Variants in KRABD5 observed in about 807,000 individuals in gnomAD.
KRABD5 encodes KRAB domain-containing protein 5.
At chr16:31,756,702 A>G in the KRABD5 span, 2 of 152,284 alleles carry the variant, frequency 1.3e-5, no homozygotes, top group Non-Finnish European at 2.9e-5. Flanking sequence ...ATCCTGAATC[A>G]TTGTTTATAA....
At chr16:31,752,590 C>T in the KRABD5 span, among the ~76,000 whole-genome samples, 1 of 152,018 alleles carries the variant, frequency 6.6e-6, no homozygotes, top group Non-Finnish European at 1.5e-5. Context: ...TCACAAAATG[C>T]CAGGTTCAGT....
At chr16:31,728,506 T>C in the KRABD5 span, among the ~76,000 whole-genome samples, 1 of 152,136 alleles carries the variant, frequency 6.6e-6, no homozygotes, top group Non-Finnish European at 1.5e-5. Context: ...TTCATTTGTC[T>C]CAGGATATGT....
the KRABD5 span, chr16:31,713,624 C>A: frequency 3.9e-6 from 3 of 778,240 alleles, no homozygotes; most frequent in Non-Finnish European, 6.0e-6. Flanking sequence ...GGTCCCCTCC[C>A]GACCCCGCAG....
the KRABD5 span, among the ~76,000 whole-genome samples, chr16:31,745,209 G>A: frequency 1.3e-5 from 2 of 152,088 alleles, no homozygotes; most frequent in African/African-American, 4.8e-5. Context: ...TAATTGTAAT[G>A]TTAGGGTGTT....
the KRABD5 span, chr16:31,722,852 A>G: frequency 1.5e-6 from 2 of 1,308,676 alleles, no homozygotes; most frequent in Non-Finnish European, 2.0e-6. Flanking sequence ...CTTTATATGA[A>G]TGAATTCAGA....
At chr16:31,740,761 T>C in the KRABD5 span, among the ~76,000 whole-genome samples, 4 of 152,186 alleles carry the variant, frequency 2.6e-5, no homozygotes, top group Non-Finnish European at 5.9e-5. Flanking sequence ...ATTGTACCAG[T>C]GTACTCCAGT....
At chr16:31,755,766 A>C in the KRABD5 span, 1 of 356,656 alleles carries the variant, frequency 2.8e-6, no homozygotes, top group Non-Finnish European at 5.5e-6. Flanking sequence ...AGAACTTAAA[A>C]ATCACCATAG....
At chr16:31,745,511 G>T in the KRABD5 span, among the ~76,000 whole-genome samples, 8 of 152,016 alleles carry the variant, frequency 5.3e-5, no homozygotes, top group Non-Finnish European at 1.0e-4. Context: ...CAGTTATTTT[G>T]TATTTGCTGA....
At chr16:31,755,556 G>A in the KRABD5 span, 1 of 463,086 alleles carries the variant, frequency 2.2e-6, no homozygotes. Flanking sequence ...CCATATATAT[G>A]TAAGGATTGT....
chr16:31,717,071 A>ACTG, the KRABD5 span, among the ~76,000 whole-genome samples: 1 of 131,786 alleles, frequency 7.6e-6, no homozygotes, highest in Non-Finnish European at 1.5e-5. Flanking sequence ...TTCTTGGCTC[A>ACTG]CTGCAACCTC....
At chr16:31,726,309 C>T in the KRABD5 span, among the ~76,000 whole-genome samples, 2 of 152,052 alleles carry the variant, frequency 1.3e-5, no homozygotes, top group African/African-American at 4.8e-5. Flanking sequence ...TTTTGGTTTC[C>T]TTGTTCTGTC....
chr16:31,759,286 T>A, the KRABD5 span: 2 of 1,489,716 alleles, frequency 1.3e-6, no homozygotes, highest in South Asian at 1.2e-5. Flanking sequence ...TGGATAAAAT[T>A]CATAAACCTG....
At chr16:31,738,336 A>G in the KRABD5 span, among the ~76,000 whole-genome samples, 1 of 152,110 alleles carries the variant, frequency 6.6e-6, no homozygotes. Flanking sequence ...TTATTGCTTC[A>G]ATTCTGTAAA....
the KRABD5 span, among the ~76,000 whole-genome samples, chr16:31,723,786 G>A: frequency 6.6e-6 from 1 of 152,130 alleles, no homozygotes; most frequent in Admixed American, 6.5e-5. Flanking sequence ...GGAATTCTGT[G>A]GATAGATGTC....
At chr16:31,724,522 C>T in the KRABD5 span, among the ~76,000 whole-genome samples, 1 of 150,724 alleles carries the variant, frequency 6.6e-6, no homozygotes, top group Non-Finnish European at 1.5e-5. Context: ...CCCGTCTCTA[C>T]TAAAAAATAC....
the KRABD5 span, among the ~76,000 whole-genome samples, chr16:31,746,588 G>T: frequency 6.6e-6 from 1 of 152,134 alleles, no homozygotes; most frequent in African/African-American, 2.4e-5. Flanking sequence ...TGATGAGTAT[G>T]TGTCTTGGGG....
At chr16:31,739,416 G>C in the KRABD5 span, among the ~76,000 whole-genome samples, 6 of 151,674 alleles carry the variant, frequency 4.0e-5, no homozygotes, top group Non-Finnish European at 7.4e-5. Flanking sequence ...GACATCTGCT[G>C]GTCATCCTAG....
At chr16:31,750,788 T>C in the KRABD5 span, among the ~76,000 whole-genome samples, 19 of 152,088 alleles carry the variant, frequency 1.2e-4, no homozygotes, top group Admixed American at 5.2e-4. Context: ...AATGGTGATT[T>C]TTTTTGGAGC....
the KRABD5 span, among the ~76,000 whole-genome samples, chr16:31,752,529 C>T: frequency 6.6e-6 from 1 of 152,128 alleles, no homozygotes; most frequent in Admixed American, 6.5e-5. Context: ...TGGAATACAT[C>T]CTTGTGCTTT....
Sources: allele counts gnomAD v4.1 joint callset (sites outside exome capture counted in the v4.1 genomes callset), GRCh38; gene constraint gnomAD v4.1.1; transcripts MANE v1.5; gene names NCBI Gene and HGNC (gene_info 2026-07-23, HGNC 2026-07-21).